SLC14A2: variants seen among roughly 807,000 people sequenced by gnomAD.
SLC14A2 encodes the protein urea transporter 2.
SLC14A2 carries 91 observed loss-of-function variants against 104.6 expected under a neutral mutation model. The observed-to-expected ratio is 0.87, with a 90% CI of 0.73 to 1.04. The LOEUF is 1.04. Ranked by LOEUF, SLC14A2 falls within the 50% of genes least tolerant of loss-of-function variation. The pLI, the probability that SLC14A2 is intolerant of heterozygous loss-of-function variation, is 0.00. For synonymous variants in SLC14A2, 476 were observed against 466.4 expected, an observed-to-expected ratio of 1.02 and a Z score of -0.27; for missense variants, 1,189 against 1,156.0, an observed-to-expected ratio of 1.03 and a Z score of -0.41.
rs551610421 is a variant in SLC14A2 at position 45,466,421 on chromosome 18, G to T, written c.-124-16812G>T. ...TCAGTACAAGTTAGAGAGCATGAAG[G>T]CTGAAGAATGTGCTAGCAAAGCTGA... On this transcript the variant is annotated intron_variant, in intron 1 of 20. Transcript: ENST00000586448. Among the ~76,000 whole-genome samples the T allele has an allele frequency of 3.3e-5, 5 of 151,776 alleles. No homozygotes were observed. The East Asian group carries it at 5.8e-4, about 18-fold the overall frequency.
chr18:45,458,015 G>A (rs2086975916), intron 1 of SLC14A2, among the ~76,000 whole-genome samples: 1 of 152,134 alleles, frequency 6.6e-6, no homozygotes, highest in Non-Finnish European at 1.5e-5. Flanking sequence ...TAGGAGAATG[G>A]TGTTGGAAAA....
intron 2 of SLC14A2, among the ~76,000 whole-genome samples, chr18:45,599,958 C>A (rs2044766216): frequency 6.6e-6 from 1 of 152,084 alleles, no homozygotes; most frequent in South Asian, 2.1e-4. Context: ...CATGAGTCAC[C>A]AGGTCCCTCC....
chr18:45,269,127 G>A (rs1156588749), intron 1 of SLC14A2, among the ~76,000 whole-genome samples: 1 of 151,978 alleles, frequency 6.6e-6, no homozygotes, highest in African/African-American at 2.4e-5. Flanking sequence ...AAAACAATGA[G>A]AATGACCTGG....
At chr18:45,425,534 G>C (rs1290683946) in intron 1 of SLC14A2, among the ~76,000 whole-genome samples, 2 of 152,274 alleles carry the variant, frequency 1.3e-5, no homozygotes, top group African/African-American at 2.4e-5. Context: ...GGCACAGGCT[G>C]TCACAAAAAC....
intron 2 of SLC14A2, among the ~76,000 whole-genome samples, chr18:45,556,192 C>A (rs2044130932): frequency 6.6e-6 from 1 of 152,192 alleles, no homozygotes; most frequent in Admixed American, 6.5e-5. Flanking sequence ...TTCATGAGTG[C>A]TTTCCTTCGT....
Position 45,663,797 on chromosome 18 carries a change from A to T in SLC14A2, c.1364A>T (p.Glu455Val), listed in dbSNP as rs1193755318. 1.9e-6 allele frequency: 3 copies of T among 1,612,364 alleles called. No individual in the cohort carries two copies. Among genetic ancestry groups the T allele is most frequent in the Non-Finnish European group, 2.5e-6 (3 of 1,179,764 alleles). The change falls in exon 11 of 20, where the codon GAG (glutamate) becomes GTG (valine). Residue 455 changes from glutamate (E) to valine (V), a missense_variant. By Grantham distance (121) the Glu-to-Val change is moderately radical (BLOSUM62 -2). Coordinates refer to ENST00000255226, the MANE Select transcript of SLC14A2 (RefSeq NM_007163.4). ...EEKAPSGGGGEHPPTAGPKVE... is the reference protein window; with the variant it reads ...EEKAPSGGGGVHPPTAGPKVE... ...TGCCCCTGGCTAGGAGGCGGTGGGG[A>T]GCATCCACCCACAGCAGGCCCAAAG...
chr18:45,473,144 C>T (rs1470177388), intron 1 of SLC14A2, among the ~76,000 whole-genome samples: 2 of 152,290 alleles, frequency 1.3e-5, no homozygotes, highest in South Asian at 2.1e-4. Flanking sequence ...ATCCTTTCTC[C>T]ATTGCTTGTT....
At position 45,607,016 on chromosome 18, in the gene SLC14A2, A is replaced by AGACAAATAATTAAATGATGGAACACTTCG. The variant is rs2044883276; in HGVS notation, c.-34-17614_-34-17586dup. ...CAAATGAGAGGTTCTTGCTAAGGAT[A>AGACAAATAATTAAATGATGGAACACTTCG]GACAAATAATTAAATGATGGAACAC... is the stretch of plus-strand genomic sequence containing the variant. On this transcript the variant is annotated intron_variant, in intron 2 of 20. Coordinates refer to the SLC14A2 transcript ENST00000586448. Among the ~76,000 whole-genome samples the AGACAAATAATTAAATGATGGAACACTTCG allele has an allele frequency of 3.9e-5, 6 of 152,350 alleles. No homozygotes were observed. The South Asian group carries it at 1.2e-3, about 32-fold the overall frequency.
intron 10 of SLC14A2, among the ~76,000 whole-genome samples, chr18:45,656,465 G>A (rs16978436): frequency 0.043 from 6,499 of 152,280 alleles, 443 homozygotes; most frequent in African/African-American, 0.15. Flanking sequence ...GGAGCATGTA[G>A]GTTATTGAGT....
chr18:45,358,410 A>G (rs1256557015), intron 1 of SLC14A2, among the ~76,000 whole-genome samples: 1 of 152,148 alleles, frequency 6.6e-6, no homozygotes, highest in African/African-American at 2.4e-5. Context: ...CCCTGCTCCT[A>G]TAGGCCACTT....
chr18:45,298,904 T>G (rs72906628), intron 1 of SLC14A2, among the ~76,000 whole-genome samples: 1 of 152,234 alleles, frequency 6.6e-6, no homozygotes, highest in Non-Finnish European at 1.5e-5. Flanking sequence ...TTCTCAAAAT[T>G]TTTGTGTTTT....
intron 2 of SLC14A2, among the ~76,000 whole-genome samples, chr18:45,576,092 C>A (rs1260446755): frequency 6.6e-6 from 1 of 152,128 alleles, no homozygotes; most frequent in Admixed American, 6.5e-5. Context: ...CTCTAATCAT[C>A]TCTCCTGTTT....
intron 2 of SLC14A2, among the ~76,000 whole-genome samples, chr18:45,503,198 T>C (rs2144766918): frequency 6.6e-6 from 1 of 152,318 alleles, no homozygotes; most frequent in South Asian, 2.1e-4. Flanking sequence ...TTTTTGATTG[T>C]TGTGTTTGTT....
chr18:45,251,024 T>C (rs2084417747), intron 1 of SLC14A2, among the ~76,000 whole-genome samples: 1 of 152,170 alleles, frequency 6.6e-6, no homozygotes, highest in African/African-American at 2.4e-5. Context: ...AAAAAGAATC[T>C]TTTTATTAAT....
At chr18:45,347,396 C>G (rs1485410317) in intron 1 of SLC14A2, among the ~76,000 whole-genome samples, 1 of 152,174 alleles carries the variant, frequency 6.6e-6, no homozygotes, top group Non-Finnish European at 1.5e-5. Context: ...GGTCTTTTAC[C>G]TACCTGACAT....
At chr18:45,375,540 ACT>A (rs1180740896) in intron 1 of SLC14A2, among the ~76,000 whole-genome samples, 9 of 151,784 alleles carry the variant, frequency 5.9e-5, no homozygotes, top group African/African-American at 1.9e-4. Flanking sequence ...GTCCTTAAAA[ACT>A]CTGATTCCAG....
intron 1 of SLC14A2, among the ~76,000 whole-genome samples, chr18:45,461,387 T>A (rs190768074): frequency 6.6e-6 from 1 of 152,304 alleles, no homozygotes; most frequent in East Asian, 1.9e-4. Context: ...AGCAATTAAT[T>A]AGTGAGAATT....
chr18:45,226,014 T>G (rs1487169089), intron 1 of SLC14A2, among the ~76,000 whole-genome samples: 1 of 152,144 alleles, frequency 6.6e-6, no homozygotes, highest in Admixed American at 6.5e-5. Flanking sequence ...GCAAAGGATA[T>G]GAACAGACAC....
chr18:45,248,780 C>A (rs1333345288), intron 1 of SLC14A2, among the ~76,000 whole-genome samples: 1 of 152,136 alleles, frequency 6.6e-6, no homozygotes, highest in Non-Finnish European at 1.5e-5. Context: ...TGAAATGGAG[C>A]CACAGAACTT....
Sources: gnomAD v4.1 joint callset for allele counts (sites outside exome capture counted in the v4.1 genomes callset) on GRCh38, gnomAD v4.1.1 for gene constraint, MANE v1.5 for transcripts, NCBI Gene and HGNC (gene_info 2026-07-23, HGNC 2026-07-21) for gene names.